The following ERAP1 variants were observed in gnomAD, a reference collection of about 807,000 sequenced individuals.
The protein encoded by ERAP1 is endoplasmic reticulum aminopeptidase 1.
ERAP1 carries 86 observed loss-of-function variants against 103.7 expected under a neutral mutation model. The ratio of observed to expected loss-of-function variants is 0.83; its 90% CI spans 0.70 to 0.99. The LOEUF (loss-of-function observed/expected upper bound fraction) is 0.99. Among genes scored for constraint, ERAP1 ranks in the 50% least tolerant of loss-of-function variants. The pLI, the probability that ERAP1 is intolerant of heterozygous loss-of-function variation, is 0.00. For missense variants in ERAP1, 1,009 were observed against 1,128.4 expected, an observed-to-expected ratio of 0.89 and a Z score of 1.52; for synonymous variants, 398 against 402.4, an observed-to-expected ratio of 0.99 and a Z score of 0.13.
exon 20 of ERAP1, chr5:96,760,916 G>C (rs1051986167): frequency 6.6e-6 from 1 of 151,800 alleles, no homozygotes; most frequent in Non-Finnish European, 1.5e-5. Flanking sequence ...ATATGAAAAA[G>C]TACTAAAAAG....
chr5:96,837,711 G>T, the ERAP1 span, among the ~76,000 whole-genome samples: 2 of 152,212 alleles, frequency 1.3e-5, no homozygotes, highest in Non-Finnish European at 2.9e-5. Context: ...TCAGTGGAGG[G>T]TCAGTGTGAC....
chr5:96,819,519 G>T, the ERAP1 span, among the ~76,000 whole-genome samples: 5 of 152,322 alleles, frequency 3.3e-5, no homozygotes, highest in East Asian at 9.6e-4. Context: ...GTTTGTGTGT[G>T]TGTGAGAGAG....
chr5:96,843,198 G>T, the ERAP1 span, among the ~76,000 whole-genome samples: 1 of 152,156 alleles, frequency 6.6e-6, no homozygotes, highest in Non-Finnish European at 1.5e-5. Flanking sequence ...CAGCTCAAAC[G>T]CCTAGTTACA....
intron 9 of ERAP1, 50 bp downstream of exon 9, chr5:96,790,462 A>G: frequency 6.2e-7 from 1 of 1,612,000 alleles, no homozygotes. Context: ...ACAAAACAAG[A>G]TGATAAGCCT....
exon 20 of ERAP1, chr5:96,762,975 C>G: frequency 1.7e-6 from 1 of 591,772 alleles, no homozygotes; most frequent in African/African-American, 1.9e-5. Context: ...ACTTCCTTGA[C>G]TAATCACCTG....
chr5:96,772,694 G>C (rs886967820), downstream of ERAP1: 3 of 152,656 alleles, frequency 2.0e-5, no homozygotes, highest in South Asian at 4.1e-4. Context: ...AGAACAAAAG[G>C]CTTTGGCAAC....
chr5:96,913,373 T>C, the ERAP1 span: 1 of 1,613,976 alleles, frequency 6.2e-7, no homozygotes. Flanking sequence ...TTGGCAGCTC[T>C]CCTTCATGCG....
chr5:96,890,631 T>C, the ERAP1 span, among the ~76,000 whole-genome samples: 1 of 152,238 alleles, frequency 6.6e-6, no homozygotes, highest in South Asian at 2.1e-4. Flanking sequence ...TATCCTGTCC[T>C]TTTTCGCCTC....
At chr5:96,848,942 A>AT in the ERAP1 span, 1 of 152,160 alleles carries the variant, frequency 6.6e-6, no homozygotes, top group Non-Finnish European at 1.5e-5. Context: ...ATCAAGTGAG[A>AT]TTTTTCCCTG....
the ERAP1 span, among the ~76,000 whole-genome samples, chr5:96,904,033 C>T: frequency 6.6e-6 from 1 of 152,114 alleles, no homozygotes; most frequent in African/African-American, 2.4e-5. Flanking sequence ...CACCAAATAC[C>T]GGTGTAATCT....
At chr5:96,839,367 C>T in the ERAP1 span, among the ~76,000 whole-genome samples, 1 of 152,214 alleles carries the variant, frequency 6.6e-6, no homozygotes, top group Non-Finnish European at 1.5e-5. Flanking sequence ...ATTCTAATCA[C>T]ATGGTTGGTC....
the ERAP1 span, among the ~76,000 whole-genome samples, chr5:96,883,435 TC>T: frequency 1.3e-5 from 2 of 152,208 alleles, no homozygotes; most frequent in African/African-American, 2.4e-5. Context: ...ACATTTAATT[TC>T]CTAGTGAATT....
At chr5:96,782,991 G>T in intron 15 of ERAP1, 60 bp downstream of exon 15, 2 of 1,546,990 alleles carry the variant, frequency 1.3e-6, no homozygotes, top group Non-Finnish European at 1.8e-6. Flanking sequence ...TAGTACCAAT[G>T]ATGGAAAACA....
At chr5:96,824,409 A>C in the ERAP1 span, among the ~76,000 whole-genome samples, 1 of 152,208 alleles carries the variant, frequency 6.6e-6, no homozygotes, top group Admixed American at 6.5e-5. Context: ...CCACCTATGA[A>C]TTGGATCCTA....
the ERAP1 span, among the ~76,000 whole-genome samples, chr5:96,821,277 A>G: frequency 3.9e-5 from 6 of 152,370 alleles, no homozygotes; most frequent in Non-Finnish European, 8.8e-5. Flanking sequence ...TAGCAGCAGC[A>G]TATAGACTAA....
intron 11 of ERAP1, 23 bp downstream of exon 11, chr5:96,788,508 A>G (rs2150943453): frequency 6.2e-7 from 1 of 1,613,712 alleles, no homozygotes; most frequent in Non-Finnish European, 8.5e-7. Context: ...ACAACAAAAC[A>G]AATTTTACTC....
At chr5:96,771,340 C>T (rs1180480721), downstream of ERAP1, among the ~76,000 whole-genome samples, 1 of 152,078 alleles carries the variant, frequency 6.6e-6, no homozygotes, top group Admixed American at 6.5e-5. Context: ...AAGGAAGGAT[C>T]ACCACAGAAT....
the ERAP1 span, among the ~76,000 whole-genome samples, chr5:96,819,066 CA>C: frequency 1.3e-5 from 2 of 152,094 alleles, no homozygotes; most frequent in African/African-American, 4.8e-5. Context: ...GCTGGGACTA[CA>C]GGCACCCACC....
the ERAP1 span, chr5:96,900,144 AT>A: frequency 1.9e-6 from 3 of 1,613,778 alleles, no homozygotes; most frequent in Non-Finnish European, 2.5e-6. Flanking sequence ...GTGATTTTAC[AT>A]CTGGTGGAGT....
Sources: allele counts gnomAD v4.1 joint callset (sites outside exome capture counted in the v4.1 genomes callset), GRCh38; gene constraint gnomAD v4.1.1; transcripts MANE v1.5; gene names NCBI Gene and HGNC (gene_info 2026-07-23, HGNC 2026-07-21).